TACR3: variants seen among roughly 807,000 people sequenced by gnomAD.
TACR3 encodes the protein neuromedin-K receptor.
TACR3 carries 34 observed loss-of-function variants against 35.0 expected under a neutral mutation model. That is an observed-to-expected ratio of 0.97 (90% confidence interval 0.74 to 1.30). The LOEUF (loss-of-function observed/expected upper bound fraction) is 1.30, where lower values mean the gene tolerates loss of function less well. TACR3 is among the 50% of genes most tolerant of loss of function. TACR3 has a pLI of 0.00. For missense variants in TACR3, 558 were observed against 591.7 expected (o/e 0.94, Z 0.59); for synonymous variants, 233 against 221.1 (o/e 1.05, Z -0.48).
At chr4:103,710,010 A>T (rs1722905175) in intron 1 of TACR3, among the ~76,000 whole-genome samples, 1 of 152,186 alleles carries the variant, frequency 6.6e-6, no homozygotes, top group East Asian at 1.9e-4. Flanking sequence ...TTCATAAAGC[A>T]AGTCCTTAGA....
intron 3 of TACR3, among the ~76,000 whole-genome samples, chr4:103,606,096 T>G (rs1176249928): frequency 1.9e-4 from 29 of 151,894 alleles, no homozygotes; most frequent in Non-Finnish European, 2.8e-4. Flanking sequence ...TTTCCCCATT[T>G]CTTGTTTTTG....
intron 1 of TACR3, among the ~76,000 whole-genome samples, chr4:103,671,390 A>G (rs933601206): frequency 1.3e-5 from 2 of 152,002 alleles, no homozygotes; most frequent in Admixed American, 1.3e-4. Flanking sequence ...AATGTTTGGT[A>G]GAATTAAGCA....
rs898807947 is a variant in TACR3, at chr4:103,719,546, G to T, written c.130C>A (p.Leu44Met). The change falls in exon 1 of 5, where the codon CTG becomes ATG. Residue 44 changes from leucine (L) to methionine (M), a missense_variant. By Grantham distance (15) the Leu-to-Met change is conservative. Coordinates refer to ENST00000304883, the MANE Select transcript of TACR3 (RefSeq NM_001059.3). ...GAGAGGTTGCCAGCTTGGTCCAGCAGTTGCAGCCACCCAGTCTCAACTGCC... is the reference window on the plus strand; with the variant it reads ...GAGAGGTTGCCAGCTTGGTCCAGCATTTGCAGCCACCCAGTCTCAACTGCC... The part of the protein sequence containing the change: ...TGAVETGWLQ[L>M]LDQAGNLSSS... 1.2e-6 allele frequency: 2 copies of T among 1,608,098 alleles called. No homozygotes were observed. The highest frequency in any genetic ancestry group is 1.7e-4 in the Middle Eastern group (1 of 6,060).
intron 3 of TACR3, among the ~76,000 whole-genome samples, chr4:103,629,862 A>AAAAAAAAAAAAAC (rs1725011576): frequency 6.3e-5 from 7 of 111,576 alleles, no homozygotes; most frequent in South Asian, 2.8e-4. Context: ...AAAAAAAAAC[A>AAAAAAAAAAAAAC]AAAAAAAAAC....
chr4:103,640,062 A>G (rs1478884802), intron 3 of TACR3, among the ~76,000 whole-genome samples: 1 of 152,012 alleles, frequency 6.6e-6, no homozygotes, highest in Non-Finnish European at 1.5e-5. Flanking sequence ...AGACTTTGAC[A>G]TATATATTAC....
chr4:103,691,754 C>T (rs1288019039), intron 1 of TACR3, among the ~76,000 whole-genome samples: 1 of 152,182 alleles, frequency 6.6e-6, no homozygotes, highest in African/African-American at 2.4e-5. Flanking sequence ...TGCTTAAAGG[C>T]ATTCTTAAGC....
intron 1 of TACR3, among the ~76,000 whole-genome samples, chr4:103,676,032 A>T (rs886964777): frequency 6.6e-6 from 1 of 152,120 alleles, no homozygotes; most frequent in Non-Finnish European, 1.5e-5. Flanking sequence ...ATTCTTCCAT[A>T]GCTAGTTTTT....
chr4:103,668,336 A>C (rs944053461), intron 1 of TACR3, among the ~76,000 whole-genome samples: 2 of 152,152 alleles, frequency 1.3e-5, no homozygotes, highest in Non-Finnish European at 2.9e-5. Flanking sequence ...TACATAGCTT[A>C]ATTAAAAATT....
intron 3 of TACR3, among the ~76,000 whole-genome samples, chr4:103,598,091 T>A (rs943983764): frequency 1.3e-5 from 2 of 152,152 alleles, no homozygotes; most frequent in African/African-American, 4.8e-5. Flanking sequence ...TGTTCCTATT[T>A]CTCCACATCC....
intron 3 of TACR3, among the ~76,000 whole-genome samples, chr4:103,632,688 G>A (rs1000576719): frequency 1.3e-5 from 2 of 150,702 alleles, no homozygotes; most frequent in Admixed American, 1.3e-4. Flanking sequence ...AAGAAATATT[G>A]TCATTTTATA....
chr4:103,615,849 A>G (rs548271979), intron 3 of TACR3, among the ~76,000 whole-genome samples: 7 of 152,296 alleles, frequency 4.6e-5, no homozygotes, highest in Admixed American at 4.6e-4. Flanking sequence ...TTTTGTTTGT[A>G]TTTAAGATTT....
At chr4:103,685,130 G>T (rs1722200601) in intron 1 of TACR3, among the ~76,000 whole-genome samples, 1 of 152,062 alleles carries the variant, frequency 6.6e-6, no homozygotes, top group South Asian at 2.1e-4. Flanking sequence ...GAACTTCTGT[G>T]CAGCAGTAAT....
chr4:103,672,378 T>C (rs567590038), intron 1 of TACR3, among the ~76,000 whole-genome samples: 13 of 152,194 alleles, frequency 8.5e-5, no homozygotes, highest in Non-Finnish European at 1.9e-4. Flanking sequence ...CTTGAAAGTC[T>C]AACTTACTCT....
At chr4:103,639,803 T>TATC (rs1348841005) in intron 3 of TACR3, among the ~76,000 whole-genome samples, 1 of 152,002 alleles carries the variant, frequency 6.6e-6, no homozygotes, top group Admixed American at 6.6e-5. Flanking sequence ...GTTACTTCTT[T>TATC]ATCTGTAAAA....
At chr4:103,638,893 C>T (rs971803437) in intron 3 of TACR3, among the ~76,000 whole-genome samples, 6 of 152,048 alleles carry the variant, frequency 3.9e-5, no homozygotes, top group African/African-American at 9.7e-5. Context: ...CAATGAGATA[C>T]CATCTCACAC....
At chr4:103,633,830 T>G (rs950053394) in intron 3 of TACR3, among the ~76,000 whole-genome samples, 8 of 152,250 alleles carry the variant, frequency 5.3e-5, no homozygotes, top group African/African-American at 1.7e-4. Flanking sequence ...ATAGGTTTGT[T>G]GCATTTGTTC....
At chr4:103,618,354 T>G (rs1724704108) in intron 3 of TACR3, among the ~76,000 whole-genome samples, 1 of 152,182 alleles carries the variant, frequency 6.6e-6, no homozygotes, top group African/African-American at 2.4e-5. Context: ...TGTGGCTTGT[T>G]TTTGTCAGTC....
chr4:103,642,577 G>A (rs1725378582), intron 3 of TACR3, among the ~76,000 whole-genome samples: 1 of 151,922 alleles, frequency 6.6e-6, no homozygotes, highest in South Asian at 2.1e-4. Flanking sequence ...AATAATGCAT[G>A]TACTCACTCA....
At chr4:103,616,739 G>GA (rs1724669593) in intron 3 of TACR3, among the ~76,000 whole-genome samples, 1 of 152,156 alleles carries the variant, frequency 6.6e-6, no homozygotes, top group Non-Finnish European at 1.5e-5. Context: ...TTGAGCCTAG[G>GA]AGTTTGAGAC....
Sources: allele counts gnomAD v4.1 joint callset (sites outside exome capture counted in the v4.1 genomes callset), GRCh38; gene constraint gnomAD v4.1.1; transcripts MANE v1.5; gene names NCBI Gene and HGNC (gene_info 2026-07-23, HGNC 2026-07-21).